LIPC: variants seen among roughly 807,000 people sequenced by gnomAD.
LIPC encodes hepatic triacylglycerol lipase.
In LIPC, 44 loss-of-function variants were observed where a neutral mutation model predicts 50.7. That is an observed-to-expected ratio of 0.87 (90% confidence interval 0.68 to 1.11). LIPC has a LOEUF of 1.11. LIPC is among the 50% of genes most tolerant of loss of function. The pLI, the probability that LIPC is intolerant of heterozygous loss-of-function variation, is 0.00. For missense variants in LIPC, 697 were observed against 648.2 expected (o/e 1.08, Z -0.82); for synonymous variants, 271 against 256.4 (o/e 1.06, Z -0.54).
intron 1 of LIPC, among the ~76,000 whole-genome samples, chr15:58,523,756 GATAAATAAATAA>G (rs1175228615): frequency 6.6e-6 from 1 of 151,964 alleles, no homozygotes; most frequent in African/African-American, 2.4e-5. Flanking sequence ...CTGTGTCTAT[GATAAATAAATAA>G]ATAAATAAAT....
At chr15:58,458,397 CA>C (rs778750517) in intron 1 of LIPC, among the ~76,000 whole-genome samples, 29 of 152,170 alleles carry the variant, frequency 1.9e-4, no homozygotes, top group Non-Finnish European at 3.5e-4. Context: ...AAGCACAGCC[CA>C]GGCAGGTTTT....
At chr15:58,545,695 C>A in intron 4 of LIPC, 47 bp from the exon 5 acceptor site, 3 of 1,502,914 alleles carry the variant, frequency 2.0e-6, no homozygotes, top group African/African-American at 1.4e-5. Flanking sequence ...CATCTCTCTT[C>A]CCCTCTCCTT....
intron 6 of LIPC, among the ~76,000 whole-genome samples, chr15:58,556,776 A>G (rs1217933973): frequency 1.3e-5 from 2 of 152,222 alleles, no homozygotes; most frequent in African/African-American, 4.8e-5. Flanking sequence ...TTGCAGCTTC[A>G]TCAGTTATTA....
intron 6 of LIPC, among the ~76,000 whole-genome samples, chr15:58,555,402 G>T (rs1338300938): frequency 6.6e-6 from 1 of 152,296 alleles, no homozygotes; most frequent in Admixed American, 6.5e-5. Context: ...AGCAGGTGTT[G>T]AACCACAGCT....
intron 8 of LIPC, chr15:58,563,995 C>G: frequency 2.1e-6 from 1 of 477,170 alleles, no homozygotes; most frequent in East Asian, 4.2e-5. Context: ...TGAGGACCAT[C>G]ACACGAACCC....
chr15:58,527,154 CTT>C (rs1452089046), intron 1 of LIPC, among the ~76,000 whole-genome samples: 3 of 152,222 alleles, frequency 2.0e-5, no homozygotes, highest in Non-Finnish European at 2.9e-5. Flanking sequence ...GCCCAGAAAA[CTT>C]TTATAGTCTC....
chr15:58,507,483 G>T (rs1218534109), intron 1 of LIPC, among the ~76,000 whole-genome samples: 2 of 152,178 alleles, frequency 1.3e-5, no homozygotes, highest in African/African-American at 4.8e-5. Flanking sequence ...ATCTACGATT[G>T]AATTATTTCT....
chr15:58,490,943 C>G (rs144839844), intron 1 of LIPC, among the ~76,000 whole-genome samples: 1 of 152,144 alleles, frequency 6.6e-6, no homozygotes, highest in Admixed American at 6.5e-5. Flanking sequence ...AGCTCACCTC[C>G]TAAGGAAAGA....
At chr15:58,435,296 G>A (rs1437668031) in intron 1 of LIPC, 2 of 152,200 alleles carry the variant, frequency 1.3e-5, no homozygotes, top group African/African-American at 4.8e-5. Context: ...CTGTTGTGAT[G>A]TATTGCTTTG....
chr15:58,437,012 C>T, intron 1 of LIPC: 1 of 378,728 alleles, frequency 2.6e-6, no homozygotes, highest in South Asian at 2.0e-5. Context: ...AAGTGCAAAC[C>T]ACTGAAGTTG....
At chr15:58,492,499 A>G (rs1227178610) in intron 1 of LIPC, among the ~76,000 whole-genome samples, 2 of 152,160 alleles carry the variant, frequency 1.3e-5, no homozygotes, top group African/African-American at 4.8e-5. Flanking sequence ...ATGAACTATC[A>G]TTGAATTTCG....
At chr15:58,496,168 A>G (rs1033817339) in intron 1 of LIPC, among the ~76,000 whole-genome samples, 1 of 152,058 alleles carries the variant, frequency 6.6e-6, no homozygotes, top group South Asian at 2.1e-4. Context: ...ACATTTGGCA[A>G]TATCTGGGGG....
chr15:58,462,708 C>T (rs1894397479), intron 1 of LIPC, among the ~76,000 whole-genome samples: 1 of 152,184 alleles, frequency 6.6e-6, no homozygotes, highest in African/African-American at 2.4e-5. Context: ...CCCTTGACTT[C>T]CTCCTCCTGT....
intron 1 of LIPC, among the ~76,000 whole-genome samples, chr15:58,515,325 T>C (rs1892451507): frequency 1.3e-5 from 2 of 152,200 alleles, no homozygotes; most frequent in Admixed American, 1.3e-4. Flanking sequence ...TGGATCCTGT[T>C]CTGCAGAACA....
At chr15:58,558,631 A>ACATTCTAGAGATCTAGGTTGCATGCTCC in intron 6 of LIPC, among the ~76,000 whole-genome samples, 1 of 151,686 alleles carries the variant, frequency 6.6e-6, no homozygotes, top group Non-Finnish European at 1.5e-5. Flanking sequence ...ATTGTGAACT[A>ACATTCTAGAGATCTAGGTTGCATGCTCC]TTATGAGAAT....
intron 1 of LIPC, among the ~76,000 whole-genome samples, chr15:58,528,916 G>T (rs568917630): frequency 1.5e-4 from 23 of 152,232 alleles, no homozygotes; most frequent in African/African-American, 5.1e-4. Flanking sequence ...GTCCCTACCT[G>T]CCAGGGCACC....
At chr15:58,490,791 T>C (rs1891559909) in intron 1 of LIPC, among the ~76,000 whole-genome samples, 1 of 152,196 alleles carries the variant, frequency 6.6e-6, no homozygotes, top group South Asian at 2.1e-4. Context: ...ACGTGCTACC[T>C]GGTCGCTTCC....
At position 58,542,812 on chromosome 15, in the gene LIPC, G is replaced by A. The variant is rs144838398; in HGVS notation, c.574+161G>A. Among the ~76,000 whole-genome samples, 7 of 152,332 alleles carry A rather than the reference G, an allele frequency of 4.6e-5. No homozygotes were observed. In the East Asian group the frequency reaches 1.3e-3, roughly 29 times the overall value. On this transcript the variant is annotated intron_variant, in intron 4 of 8. Coordinates refer to ENST00000299022, the MANE Select transcript of LIPC (RefSeq NM_000236.3). Reference sequence around the variant, plus strand: ...TGACATTCTTTCAAACATGACCAATGTCATGGATTGCTGTTCCAGAGAATT... The same window carrying A: ...TGACATTCTTTCAAACATGACCAATATCATGGATTGCTGTTCCAGAGAATT...
At chr15:58,480,017 C>A (rs1190180769) in intron 1 of LIPC, among the ~76,000 whole-genome samples, 2 of 152,202 alleles carry the variant, frequency 1.3e-5, no homozygotes, top group African/African-American at 4.8e-5. Flanking sequence ...GCACACAGTA[C>A]ATGTTGCTTG....
Sources: allele counts gnomAD v4.1 joint callset (sites outside exome capture counted in the v4.1 genomes callset), GRCh38; gene constraint gnomAD v4.1.1; transcripts MANE v1.5; gene names NCBI Gene and HGNC (gene_info 2026-07-23, HGNC 2026-07-21).